ELL: variants seen among roughly 807,000 people sequenced by gnomAD.
ELL encodes elongation factor for RNA polymerase II.
A neutral mutation model predicts 64.0 loss-of-function variants in ELL; 18 were observed. The ratio of observed to expected loss-of-function variants is 0.28; its 90% CI spans 0.19 to 0.42. The LOEUF (loss-of-function observed/expected upper bound fraction) is 0.42. ELL is among the 10% of genes least tolerant of loss of function. The probability of loss-of-function intolerance (pLI) is 1.00; values close to 1 mark genes in which losing one functional copy is unlikely to be tolerated. For missense variants in ELL, 797 were observed against 870.4 expected (o/e 0.92, Z 1.06); for synonymous variants, 399 against 376.2 (o/e 1.06, Z -0.70).
chr19:18,498,865 G>A (rs1452495217), intron 1 of ELL, among the ~76,000 whole-genome samples: 14 of 152,144 alleles, frequency 9.2e-5, no homozygotes, highest in Non-Finnish European at 1.5e-4. Flanking sequence ...CAGGAGAATC[G>A]CTTGAAACCA....
intron 1 of ELL, among the ~76,000 whole-genome samples, chr19:18,494,310 T>A (rs1308646722): frequency 6.6e-6 from 1 of 151,718 alleles, no homozygotes; most frequent in African/African-American, 2.4e-5. Context: ...AAGGAGAGAT[T>A]TGGATGTAGA....
Position 18,451,552 on chromosome 19 carries a change from C to T in ELL, c.966G>A (p.Gln322=), listed in dbSNP as rs1194371871. ...GTCACCCCAGGCATGCCTCACTTAC[C>T]TGTGGGGGCGAGGCCGAGCGCCCAC... ...GERGRSASPP[Q]KRLQPPDFID... is the part of the protein sequence containing the mutation. The change falls in exon 7 of 12, where the codon CAG becomes CAA. Residue 322 remains glutamine (Q), a splice_region_variant and synonymous_variant. Transcript: ENST00000262809. The T allele has an allele frequency of 6.8e-7, 1 of 1,463,994 alleles. No individual in the cohort carries two copies. The allele number at this position is 1,463,994 out of a possible 1,614,324, so 90.7% of individuals were successfully genotyped here. A position where few individuals can be genotyped will look rare whatever the true frequency, so the allele number is the denominator to read the frequency against.
At position 18,449,823 on chromosome 19, in the gene ELL, G is replaced by C. The variant is rs1003721386; in HGVS notation, c.1465+654C>G. Among the ~76,000 whole-genome samples, 1 of 152,230 alleles carries C rather than the reference G, an allele frequency of 6.6e-6. No individual in the cohort carries two copies. Among genetic ancestry groups the C allele is most frequent in the Non-Finnish European group, 1.5e-5 (1 of 68,046 alleles). On this transcript the variant is annotated intron_variant, in intron 8 of 11. Coordinates refer to ENST00000262809, the MANE Select transcript of ELL (RefSeq NM_006532.4). This position sits in a 1 kb window ranked among gnomAD's most constrained non-coding sequence, Gnocchi z 4.4. Reference sequence around the variant, plus strand: ...CTGGTTCCTATAAATGAACAGCTGCGCAGGCTCATGGCCACGGTGCTAGGC... The same window carrying C: ...CTGGTTCCTATAAATGAACAGCTGCCCAGGCTCATGGCCACGGTGCTAGGC...
chr19:18,471,085 A>T (rs1975056128), intron 2 of ELL: 1 of 426,304 alleles, frequency 2.3e-6, no homozygotes, highest in African/African-American at 2.1e-5. Flanking sequence ...TAAAAGAAAA[A>T]AAAAAAGTTG....
intron 1 of ELL, among the ~76,000 whole-genome samples, chr19:18,475,587 C>T (rs1212967208): frequency 6.6e-6 from 1 of 152,186 alleles, no homozygotes; most frequent in African/African-American, 2.4e-5. Context: ...CGGCAGTAGC[C>T]CAAATGTCCG....
chr19:18,464,304 T>C (rs976296473), intron 4 of ELL, among the ~76,000 whole-genome samples: 9 of 152,136 alleles, frequency 5.9e-5, no homozygotes. Context: ...AGTTTGAGGC[T>C]GCAGTGAGCT....
rs1349505759 is a variant in ELL, at chr19:18,446,839, T to A, written c.1466-25A>T. On this transcript the variant is annotated intron_variant, in intron 8 of 11. Transcript: ENST00000262809. Reference sequence around the variant, plus strand: ...CCTACGAGAGCAAACACATACCTCCTGAGTCTGCGCCCATGGCACCGGTCG... The same window carrying A: ...CCTACGAGAGCAAACACATACCTCCAGAGTCTGCGCCCATGGCACCGGTCG... 1.4e-5 allele frequency: 23 copies of A among 1,613,682 alleles called. No individual in the cohort carries two copies. The East Asian group carries it at 1.6e-4, about 11-fold the overall frequency.
At chr19:18,490,508 G>C (rs1350888058) in intron 1 of ELL, among the ~76,000 whole-genome samples, 3 of 152,232 alleles carry the variant, frequency 2.0e-5, no homozygotes, top group Non-Finnish European at 2.9e-5. Context: ...GCCCTCATCA[G>C]CTGCCTCTAA....
intron 1 of ELL, among the ~76,000 whole-genome samples, chr19:18,507,716 C>A (rs1183262303): frequency 6.6e-6 from 1 of 152,248 alleles, no homozygotes; most frequent in East Asian, 1.9e-4. Context: ...GCCGAACCCT[C>A]ACTGGGTGCA....
At chr19:18,446,232 G>A in intron 10 of ELL, 77 bp downstream of exon 10, 8 of 1,023,596 alleles carry the variant, frequency 7.8e-6, no homozygotes, top group East Asian at 2.9e-5. Flanking sequence ...CCAAGCTCGT[G>A]GTGGCGATGG....
chr19:18,451,420 C>A (rs564453545), intron 7 of ELL, 132 bp downstream of exon 7: 2 of 845,844 alleles, frequency 2.4e-6, no homozygotes, highest in South Asian at 4.5e-5. Context: ...GGTCCCTGGG[C>A]GGAGGGAGGC....
chr19:18,497,436 C>T (rs923972720), intron 1 of ELL, among the ~76,000 whole-genome samples: 1 of 152,136 alleles, frequency 6.6e-6, no homozygotes, highest in Non-Finnish European at 1.5e-5. Context: ...GTGGCACTAC[C>T]ATGGTGGACA....
intron 1 of ELL, among the ~76,000 whole-genome samples, chr19:18,481,287 C>G (rs1383338474): frequency 6.6e-6 from 1 of 152,182 alleles, no homozygotes; most frequent in Non-Finnish European, 1.5e-5. Context: ...TGGCTTAAAA[C>G]AATGGAAACT....
chr19:18,505,994 A>G (rs938845192), intron 1 of ELL, among the ~76,000 whole-genome samples: 21 of 152,300 alleles, frequency 1.4e-4, no homozygotes, highest in African/African-American at 5.1e-4. Context: ...AATACCAGTG[A>G]GGCAAAGGTG....
intron 1 of ELL, among the ~76,000 whole-genome samples, chr19:18,474,561 C>T (rs1195120387): frequency 6.6e-6 from 1 of 152,242 alleles, no homozygotes; most frequent in South Asian, 2.1e-4. Context: ...ACAGCGAGCA[C>T]GATTCACGGC....
chr19:18,465,620 C>A, intron 3 of ELL, 45 bp from the exon 4 acceptor site: 1 of 1,526,156 alleles, frequency 6.6e-7, no homozygotes, highest in Non-Finnish European at 8.8e-7. Flanking sequence ...TGGGACAATG[C>A]AGGGAGGATC....
At chr19:18,498,633 C>T (rs1441026751) in intron 1 of ELL, among the ~76,000 whole-genome samples, 1 of 152,160 alleles carries the variant, frequency 6.6e-6, no homozygotes, top group Non-Finnish European at 1.5e-5. Flanking sequence ...CAGGACATTG[C>T]TGCCCCCGGA....
At chr19:18,445,556 TG>T (rs1298781968) in intron 10 of ELL, among the ~76,000 whole-genome samples, 1 of 8,458 alleles carries the variant, frequency 1.2e-4, no homozygotes, top group Non-Finnish European at 2.5e-4. Context: ...GGGGAGGGGG[TG>T]GGGGGGTGCA....
chr19:18,472,157 C>T (rs1347782705), intron 2 of ELL, among the ~76,000 whole-genome samples: 2 of 152,052 alleles, frequency 1.3e-5, no homozygotes, highest in African/African-American at 2.4e-5. Context: ...AGACGCGTTT[C>T]TCTACGTTGG....
Sources: gnomAD v4.1 joint callset for allele counts (sites outside exome capture counted in the v4.1 genomes callset) on GRCh38, gnomAD v4.1.1 for gene constraint, Gnocchi (gnomAD v3.1) non-coding constraint, MANE v1.5 for transcripts, NCBI Gene and HGNC (gene_info 2026-07-23, HGNC 2026-07-21) for gene names.